The following LIPA variants were observed in gnomAD, a reference collection of about 807,000 sequenced individuals.
LIPA encodes the protein lipase A, lysosomal acid type, also known as lysosomal acid lipase/cholesteryl ester hydrolase.
Under a neutral mutation model 40.6 loss-of-function variants are expected in LIPA, and 26 were observed. The observed-to-expected ratio is 0.64, with a 90% CI of 0.47 to 0.89. The LOEUF (loss-of-function observed/expected upper bound fraction) is 0.89, where lower values mean the gene tolerates loss of function less well. Among genes scored for constraint, LIPA ranks in the 40% least tolerant of loss-of-function variants. The pLI is 0.00. For synonymous variants in LIPA, 188 were observed against 168.4 expected (o/e 1.12, Z -0.90); for missense variants, 455 against 479.6 (o/e 0.95, Z 0.48).
intron 1 of LIPA, among the ~76,000 whole-genome samples, chr10:89,329,091 G>A (rs939909737): frequency 6.6e-6 from 1 of 152,122 alleles, no homozygotes; most frequent in Non-Finnish European, 1.5e-5. Flanking sequence ...AAGAGAAAAG[G>A]ATGCCTTTCC....
rs1050243805 is a variant in LIPA at position 89,355,833 on chromosome 10, G to A, written c.61+56958C>T. ...CATGCTAAAAGACACTCCCATCAGCGCCATGGCATTTTGCCATGGCAACAT... is the reference window on the plus strand; with the variant it reads ...CATGCTAAAAGACACTCCCATCAGCACCATGGCATTTTGCCATGGCAACAT... On this transcript the variant is annotated intron_variant, in intron 2 of 8. Transcript: ENST00000371837. Among the ~76,000 whole-genome samples the A allele has an allele frequency of 9.2e-5, 14 of 152,174 alleles. No homozygotes were observed. The East Asian group carries it at 2.1e-3, about 23-fold the overall frequency.
intron 2 of LIPA, among the ~76,000 whole-genome samples, chr10:89,374,716 C>T (rs1393487828): frequency 6.6e-6 from 1 of 152,152 alleles, no homozygotes; most frequent in African/African-American, 2.4e-5. Flanking sequence ...CACAATTGGC[C>T]TCCTAGAAGC....
chr10:89,297,432 A>G (rs1454407894), intron 1 of LIPA, among the ~76,000 whole-genome samples: 14 of 152,062 alleles, frequency 9.2e-5, no homozygotes, highest in Non-Finnish European at 1.9e-4. Context: ...CGCAGCTCCC[A>G]TATCTCCATA....
chr10:89,334,790 C>T (rs1363634452), intron 1 of LIPA, among the ~76,000 whole-genome samples: 1 of 152,038 alleles, frequency 6.6e-6, no homozygotes, highest in African/African-American at 2.4e-5. Flanking sequence ...CGCGCCCGGC[C>T]ACCTAGCTGT....
intron 1 of LIPA, among the ~76,000 whole-genome samples, chr10:89,271,910 A>G (rs1380398005): frequency 2.6e-5 from 4 of 151,696 alleles, no homozygotes; most frequent in Non-Finnish European, 5.9e-5. Flanking sequence ...AAAAAAAAAA[A>G]CCCACAAAAA....
intron 2 of LIPA, chr10:89,383,883 A>G: frequency 6.2e-7 from 1 of 1,614,224 alleles, no homozygotes; most frequent in Non-Finnish European, 8.5e-7. Flanking sequence ...GCCTGGATAA[A>G]TTTAACACAG....
intron 2 of LIPA, among the ~76,000 whole-genome samples, chr10:89,389,850 A>C (rs941707523): frequency 2.6e-5 from 4 of 152,166 alleles, no homozygotes; most frequent in African/African-American, 9.7e-5. Context: ...AAGTGGGTCC[A>C]GGGATTGAGT....
At chr10:89,391,360 CACA>C (rs1477518662) in intron 2 of LIPA, among the ~76,000 whole-genome samples, 1 of 151,662 alleles carries the variant, frequency 6.6e-6, no homozygotes, top group African/African-American at 2.4e-5. Context: ...ACCACAGACA[CACA>C]CCACCACACC....
intron 1 of LIPA, among the ~76,000 whole-genome samples, chr10:89,248,053 G>T (rs1379297816): frequency 3.3e-5 from 5 of 151,514 alleles, no homozygotes; most frequent in African/African-American, 1.2e-4. Context: ...TTTTTGTAGC[G>T]ATGGGCTTTC....
intron 1 of LIPA, among the ~76,000 whole-genome samples, chr10:89,250,154 C>T (rs1197771231): frequency 7.0e-6 from 1 of 142,958 alleles, no homozygotes; most frequent in African/African-American, 2.7e-5. Flanking sequence ...GGCTGGAGTA[C>T]AGTGGCGAGA....
At chr10:89,333,219 T>C (rs1843676689) in intron 1 of LIPA, among the ~76,000 whole-genome samples, 1 of 152,184 alleles carries the variant, frequency 6.6e-6, no homozygotes, top group African/African-American at 2.4e-5. Flanking sequence ...GGAGAAGGTG[T>C]TGCTTGCAGT....
chr10:89,409,623 T>C (rs1841455225), intron 2 of LIPA, among the ~76,000 whole-genome samples: 1 of 152,106 alleles, frequency 6.6e-6, no homozygotes, highest in African/African-American at 2.4e-5. Context: ...TGTATAACCA[T>C]TGAGGGGCAG....
At chr10:89,257,839 G>A (rs1033092581) in intron 1 of LIPA, among the ~76,000 whole-genome samples, 7 of 152,220 alleles carry the variant, frequency 4.6e-5, no homozygotes, top group Admixed American at 1.3e-4. Flanking sequence ...AGGCTGTGGC[G>A]AGCTGCAGAT....
chr10:89,277,695 C>A (rs1375148387), intron 1 of LIPA, among the ~76,000 whole-genome samples: 2 of 152,158 alleles, frequency 1.3e-5, no homozygotes, highest in African/African-American at 4.8e-5. Flanking sequence ...TTGGAGGAAA[C>A]AATTTAGAAC....
intron 1 of LIPA, chr10:89,306,050 G>A (rs1244993237): frequency 6.2e-7 from 1 of 1,614,100 alleles, no homozygotes; most frequent in Non-Finnish European, 8.5e-7. Context: ...AAACTCCTTG[G>A]ATGATTTTGA....
intron 1 of LIPA, among the ~76,000 whole-genome samples, chr10:89,257,224 C>T (rs990086168): frequency 3.3e-5 from 5 of 152,198 alleles, no homozygotes; most frequent in African/African-American, 1.2e-4. Flanking sequence ...GAATTTCAGG[C>T]ATATGTGTGA....
At chr10:89,380,079 G>A (rs1486295942) in intron 2 of LIPA, among the ~76,000 whole-genome samples, 1 of 151,990 alleles carries the variant, frequency 6.6e-6, no homozygotes, top group Non-Finnish European at 1.5e-5. Context: ...CTGCATCTGT[G>A]GAGTTGACAG....
chr10:89,222,713 GA>G (rs905161979), intron 7 of LIPA, 131 bp from the exon 8 acceptor site: 24 of 703,494 alleles, frequency 3.4e-5, no homozygotes, highest in African/African-American at 2.5e-4. Context: ...ATGAGAGGTA[GA>G]AAAAAATTAT....
intron 2 of LIPA, among the ~76,000 whole-genome samples, chr10:89,381,217 G>T (rs1272111505): frequency 6.6e-6 from 1 of 152,172 alleles, no homozygotes; most frequent in Non-Finnish European, 1.5e-5. Context: ...AGTCTGTGTG[G>T]ATTATTTTCC....
Sources: gnomAD v4.1 joint callset for allele counts (sites outside exome capture counted in the v4.1 genomes callset) on GRCh38, gnomAD v4.1.1 for gene constraint, MANE v1.5 for transcripts, NCBI Gene and HGNC (gene_info 2026-07-23, HGNC 2026-07-21) for gene names.